The following EIF4B variants were observed in gnomAD, a reference collection of about 807,000 sequenced individuals.
The protein encoded by EIF4B is eukaryotic translation initiation factor 4B.
Under a neutral mutation model 79.3 loss-of-function variants are expected in EIF4B, and 8 were observed. The observed-to-expected ratio is 0.10, with a 90% CI of 0.06 to 0.18. The LOEUF is 0.18. Ranked by LOEUF, EIF4B falls within the 10% of genes least tolerant of loss-of-function variation. The probability of loss-of-function intolerance (pLI) is 1.00; values close to 1 mark genes in which losing one functional copy is unlikely to be tolerated. For synonymous variants in EIF4B, 238 were observed against 274.7 expected, an observed-to-expected ratio of 0.87 and a Z score of 1.32; for missense variants, 515 against 792.4, an observed-to-expected ratio of 0.65 and a Z score of 4.20.
chr12:53,030,615 T>G (rs887202953), intron 8 of EIF4B, among the ~76,000 whole-genome samples: 3 of 151,648 alleles, frequency 2.0e-5, no homozygotes, highest in African/African-American at 4.8e-5. Context: ...TTGCACCATG[T>G]TGGCCAGGAT....
At chr12:53,021,939 TA>T (rs1943252325) in intron 5 of EIF4B, 79 bp downstream of exon 5, 2 of 1,564,346 alleles carry the variant, frequency 1.3e-6, no homozygotes, top group Admixed American at 1.7e-5. Context: ...AAAATTTGAA[TA>T]GGGGTAGTGG....
intron 14 of EIF4B, 143 bp from the exon 15 acceptor site, chr12:53,040,000 T>G: frequency 2.2e-6 from 2 of 909,046 alleles, no homozygotes; most frequent in Non-Finnish European, 3.4e-6. Context: ...CTAGCTCCTC[T>G]CCAATGGACA....
At chr12:53,015,223 G>C (rs1260480707) in intron 1 of EIF4B, among the ~76,000 whole-genome samples, 1 of 152,166 alleles carries the variant, frequency 6.6e-6, no homozygotes, top group South Asian at 2.1e-4. Flanking sequence ...CATAGAATAA[G>C]CTGCTGAGAT....
chr12:53,039,969 A>G (rs17122395), intron 14 of EIF4B, 174 bp from the exon 15 acceptor site: 37,739 of 739,272 alleles, frequency 0.051, 1,377 homozygotes, highest in South Asian at 0.13. Flanking sequence ...GTAAGATCGC[A>G]TGTGCCTCTG....
intron 1 of EIF4B, among the ~76,000 whole-genome samples, 192 bp from the exon 2 acceptor site, chr12:53,016,281 A>G (rs573759758): frequency 1.1e-4 from 16 of 152,336 alleles, no homozygotes; most frequent in African/African-American, 1.4e-4. Context: ...GTTTACACAT[A>G]ATAGGTATTC....
chr12:53,026,099 CA>C (rs1187629551), intron 6 of EIF4B, among the ~76,000 whole-genome samples: 2 of 142,770 alleles, frequency 1.4e-5, no homozygotes. Context: ...GACTCCGTCT[CA>C]AAAAAAAAAG....
Position 53,027,877 on chromosome 12 carries a change from C to A in EIF4B, c.763C>A (p.Arg255=), listed in dbSNP as rs767554268. ...CCGGGATATGGATCGATATGGTGGC[C>A]GGGATCGCTATGATGACCGAGGCAG... ...PRRDMDRYGG[R]DRYDDRGSRD... Residue 255 remains arginine, a synonymous_variant, in exon 7 of 15, where the codon CGG becomes AGG. Coordinates refer to ENST00000262056, the MANE Select transcript of EIF4B (RefSeq NM_001417.7). 2 of 1,614,174 alleles carry A rather than the reference C, an allele frequency of 1.2e-6. No homozygotes were observed. Among genetic ancestry groups the A allele is most frequent in the African/African-American group, 1.3e-5 (1 of 75,036 alleles).
At chr12:53,018,670 C>A (rs559666909) in intron 2 of EIF4B, 128 bp from the exon 3 acceptor site, 16 of 956,974 alleles carry the variant, frequency 1.7e-5, no homozygotes, top group African/African-American at 1.7e-4. Context: ...TACTGAACCC[C>A]CACTTTTTTT....
At position 53,016,539 on chromosome 12, in the gene EIF4B, C is replaced by T; in HGVS notation, c.80C>T (p.Thr27Ile). Residue 27 changes from threonine (T) to isoleucine (I), a missense_variant, in exon 2 of 15, where the codon ACT becomes ATT. This residue lies in a region of EIF4B where 105 missense variants were observed against 177.2 expected (regional missense o/e 0.59). Coordinates refer to ENST00000262056, the MANE Select transcript of EIF4B (RefSeq NM_001417.7). ...LTDFLAEDGG[T>I]GGGSTYVSKP... Reference sequence around the variant, plus strand: ...GACTTTCTGGCTGAGGATGGGGGTACTGGTGGAGGAAGCACCTATGTTTCC... The same window carrying T: ...GACTTTCTGGCTGAGGATGGGGGTATTGGTGGAGGAAGCACCTATGTTTCC... The T allele has an allele frequency of 6.2e-7, 1 of 1,613,570 alleles. No homozygotes were observed. The highest frequency in any genetic ancestry group is 8.5e-7 in the Non-Finnish European group (1 of 1,179,888).
Position 53,032,754 on chromosome 12 carries a change from G to T in EIF4B, c.980-1052G>T, listed in dbSNP as rs192321708. ...GTGTTCTCAGCTCACTGCAACCTCCGCCTCCCCGGTGGGTTCAAGCGATTC... is the reference window on the plus strand; with the variant it reads ...GTGTTCTCAGCTCACTGCAACCTCCTCCTCCCCGGTGGGTTCAAGCGATTC... On this transcript the variant is annotated intron_variant, in intron 8 of 14. Transcript: ENST00000262056. Among the ~76,000 whole-genome samples, 858 of 148,598 alleles carry T rather than the reference G, an allele frequency of 5.8e-3. 11 individuals are homozygous for T. The highest frequency in any genetic ancestry group is 0.02 in the African/African-American group (818 of 40,168).
In EIF4B at chr12:53,040,519, G is replaced by GTC. The variant is rs1943616065; in HGVS notation, c.*299_*300dup. 3.9e-6 allele frequency: 1 copy of GTC among 256,502 alleles called. No individual in the cohort carries two copies. The highest frequency in any genetic ancestry group is 6.8e-5 in the South Asian group (1 of 14,660). The allele number at this position is 256,502 out of a possible 1,614,324, so 15.9% of individuals were successfully genotyped here. Reference sequence around the variant, plus strand: ...TTGCCAGTGTGATTAGTGCCTAGGGGTCTCCATTTAGCAGAAATGGTAATG... The same window carrying GTC: ...TTGCCAGTGTGATTAGTGCCTAGGGGTCTCTCCATTTAGCAGAAATGGTAATG... On this transcript the variant is annotated 3_prime_UTR_variant, in exon 15 of 15. Coordinates refer to ENST00000262056, the MANE Select transcript of EIF4B (RefSeq NM_001417.7).
At chr12:53,031,933 T>C (rs1271975153) in intron 8 of EIF4B, among the ~76,000 whole-genome samples, 1 of 152,228 alleles carries the variant, frequency 6.6e-6, no homozygotes, top group Non-Finnish European at 1.5e-5. Flanking sequence ...ATATTCTCTG[T>C]ATCTTTTGTA....
In EIF4B at chr12:53,039,701, C is replaced by T. The variant is rs761631468; in HGVS notation, c.1754C>T (p.Ser585Phe). The T allele has an allele frequency of 6.2e-7, 1 of 1,613,532 alleles. No homozygotes were observed. The highest frequency in any genetic ancestry group is 1.7e-5 in the Admixed American group (1 of 59,984). The change falls in exon 14 of 15, where the codon TCC (serine) becomes TTC (phenylalanine). Residue 585 changes from serine (S) to phenylalanine (F), a missense_variant and splice_region_variant. Transcript: ENST00000262056. Reference sequence around the variant, plus strand: ...AAGAAACCTGAGGAAAATCCAGCTTCCGTAAGTGTTGAAGGCTGCTCCCAA... The same window carrying T: ...AAGAAACCTGAGGAAAATCCAGCTTTCGTAAGTGTTGAAGGCTGCTCCCAA... The part of the protein sequence containing the change: ...EPKKPEENPA[S>F]KFSSASKYAA...
chr12:53,017,350 G>C lies in EIF4B; in HGVS notation c.151+740G>C, dbSNP rs1943164966. Reference sequence around the variant, plus strand: ...TCCAGGTGTCATTAGTATAAAATCAGAGTGTCCTTGGGTAAACGAAAATGG... The same window carrying C: ...TCCAGGTGTCATTAGTATAAAATCACAGTGTCCTTGGGTAAACGAAAATGG... On this transcript the variant is annotated intron_variant, in intron 2 of 14. Coordinates refer to ENST00000262056, the MANE Select transcript of EIF4B (RefSeq NM_001417.7). 2.0e-5 allele frequency among the ~76,000 whole-genome samples: 3 copies of C among 151,966 alleles called. No homozygotes were observed. In the South Asian group the frequency reaches 6.3e-4, roughly 32 times the overall value.
At chr12:53,027,345 G>A (rs140458233) in intron 6 of EIF4B, among the ~76,000 whole-genome samples, 86 of 151,256 alleles carry the variant, frequency 5.7e-4, no homozygotes, top group African/African-American at 2.0e-3. Context: ...TGTTGGCCAG[G>A]ATGGTCTCGA....
intron 5 of EIF4B, 122 bp downstream of exon 5, chr12:53,021,982 C>T: frequency 1.6e-6 from 2 of 1,230,672 alleles, no homozygotes; most frequent in South Asian, 1.4e-5. Flanking sequence ...TAACAGTTTT[C>T]AATCAGTTTT....
intron 10 of EIF4B, among the ~76,000 whole-genome samples, chr12:53,036,035 C>T (rs574005204): frequency 1.4e-4 from 19 of 131,484 alleles, no homozygotes; most frequent in African/African-American, 4.2e-4. Flanking sequence ...CCACCCGTCT[C>T]GGCCTCCCAA....
chr12:53,010,903 C>A (rs530372643), intron 1 of EIF4B, among the ~76,000 whole-genome samples: 1 of 152,202 alleles, frequency 6.6e-6, no homozygotes, highest in East Asian at 1.9e-4. Context: ...GAGAATGTGG[C>A]AGAACTCACT....
intron 4 of EIF4B, among the ~76,000 whole-genome samples, chr12:53,021,293 T>TG (rs1032925615): frequency 2.5e-4 from 38 of 152,300 alleles, no homozygotes; most frequent in African/African-American, 8.7e-4. Flanking sequence ...GCTCTATAAA[T>TG]GTGTTGGGTG....
Sources: gnomAD v4.1 joint callset for allele counts (sites outside exome capture counted in the v4.1 genomes callset) on GRCh38, gnomAD v4.1.1 for gene constraint, gnomAD v4.1.1 regional missense constraint, MANE v1.5 for transcripts, NCBI Gene and HGNC (gene_info 2026-07-23, HGNC 2026-07-21) for gene names.